The following CGNL1 variants were observed in gnomAD, a reference collection of about 807,000 sequenced individuals.
CGNL1 encodes cingulin like 1.
Under a neutral mutation model 141.2 loss-of-function variants are expected in CGNL1, and 132 were observed. The ratio of observed to expected loss-of-function variants is 0.93; its 90% CI spans 0.81 to 1.08. The LOEUF (loss-of-function observed/expected upper bound fraction) is 1.08. Ranked by LOEUF, CGNL1 falls within the 50% of genes least tolerant of loss-of-function variation. CGNL1 has a pLI of 0.00. For missense variants in CGNL1, 1,870 were observed against 1,588.6 expected, an observed-to-expected ratio of 1.18 and a Z score of -3.01; for synonymous variants, 690 against 622.1, an observed-to-expected ratio of 1.11 and a Z score of -1.63.
At chr15:57,478,895 T>C (rs187983987) in intron 8 of CGNL1, among the ~76,000 whole-genome samples, 73 of 152,310 alleles carry the variant, frequency 4.8e-4, no homozygotes, top group Admixed American at 3.9e-3. Context: ...CACCTCTGCC[T>C]CCCAAAGTGC....
At chr15:57,543,417 G>A (rs1404050071) in intron 14 of CGNL1, among the ~76,000 whole-genome samples, 3 of 152,164 alleles carry the variant, frequency 2.0e-5, no homozygotes, top group South Asian at 2.1e-4. Context: ...GGGGATTAGG[G>A]CGTCAACATA....
chr15:57,541,741 G>A (rs1022003692), intron 14 of CGNL1, among the ~76,000 whole-genome samples: 1 of 152,226 alleles, frequency 6.6e-6, no homozygotes, highest in Non-Finnish European at 1.5e-5. Flanking sequence ...AATGGGCAGT[G>A]CAGGGGCTCA....
At position 57,473,896 on chromosome 15, in the gene CGNL1, CTTCTTTTTTTTT is replaced by C. The variant is rs1440340679; in HGVS notation, c.2403+12007_2403+12018del. ...GTCACTTCTTCTTCTTCTTCTTCTT[CTTCTTTTTTTTT>C]TTTTTTTTTTTTTTTTTCTGAGACA... On this transcript the variant is annotated intron_variant, in intron 8 of 18. Transcript: ENST00000281282. Among the ~76,000 whole-genome samples, 550 of 110,008 alleles carry C rather than the reference CTTCTTTTTTTTT, an allele frequency of 5.0e-3. 1 individual carries two copies. Among genetic ancestry groups the C allele is most frequent in the Non-Finnish European group, 7.6e-3 (425 of 55,836 alleles). 72.2% of individuals were successfully genotyped at this position (110,008 alleles called of 152,430 possible). A position where few individuals can be genotyped will look rare whatever the true frequency, so the allele number is the denominator to read the frequency against.
intron 1 of CGNL1, among the ~76,000 whole-genome samples, chr15:57,419,899 A>G (rs2152281109): frequency 6.6e-6 from 1 of 152,260 alleles, no homozygotes; most frequent in Middle Eastern, 3.4e-3. Context: ...ATCTAAATAA[A>G]TTATTTGGAA....
chr15:57,545,776 C>T (rs1263131272), intron 17 of CGNL1, 76 bp downstream of exon 17: 3 of 1,251,100 alleles, frequency 2.4e-6, no homozygotes, highest in African/African-American at 1.5e-5. Flanking sequence ...GAGGCAAGGC[C>T]TCCCTGAGCA....
intron 14 of CGNL1, among the ~76,000 whole-genome samples, chr15:57,536,327 A>G (rs376872984): frequency 6.6e-6 from 1 of 152,214 alleles, no homozygotes; most frequent in Admixed American, 6.5e-5. Flanking sequence ...CAGCCAAACC[A>G]TATCACAGCC....
chr15:57,462,068 C>A (rs1184321799), intron 8 of CGNL1, among the ~76,000 whole-genome samples, 176 bp downstream of exon 8: 2 of 152,158 alleles, frequency 1.3e-5, no homozygotes, highest in Non-Finnish European at 2.9e-5. Flanking sequence ...TGCTATTGAC[C>A]TTTTAAAGTC....
At chr15:57,425,604 G>C (rs1306423972) in intron 1 of CGNL1, among the ~76,000 whole-genome samples, 1 of 152,096 alleles carries the variant, frequency 6.6e-6, no homozygotes, top group African/African-American at 2.4e-5. Context: ...AGCCAGGCAT[G>C]GTGGCATGTG....
intron 1 of CGNL1, among the ~76,000 whole-genome samples, chr15:57,411,440 T>C (rs1414757961): frequency 2.0e-5 from 3 of 150,880 alleles, no homozygotes; most frequent in Non-Finnish European, 2.9e-5. Flanking sequence ...TTTCTTTTTT[T>C]CTTTTTCTTT....
chr15:57,455,520 T>G (rs1475176675), intron 7 of CGNL1, among the ~76,000 whole-genome samples: 1 of 152,216 alleles, frequency 6.6e-6, no homozygotes, highest in Non-Finnish European at 1.5e-5. Context: ...CTATTTTAAC[T>G]CACTTGACGT....
Position 57,451,599 on chromosome 15 carries a change from A to C in CGNL1, c.1903A>C (p.Lys635Gln), listed in dbSNP as rs2063323023. The stretch of plus-strand genomic sequence containing the variant: ...TCAGAGACAGCTTCAACTGGAAGTC[A>C]AGGTATCTGGTTTTTCCTTTATGTT... ...ELQRQLQLEVKNQQNIKEERE... is the reference protein window; with the variant it reads ...ELQRQLQLEVQNQQNIKEERE... Residue 635 changes from lysine to glutamine, a missense_variant and splice_region_variant, in exon 5 of 19, where the codon AAG becomes CAG. Coordinates refer to ENST00000281282, the MANE Select transcript of CGNL1 (RefSeq NM_032866.5). 4 of 1,600,926 alleles carry C rather than the reference A, an allele frequency of 2.5e-6. No homozygotes were observed. Among genetic ancestry groups the C allele is most frequent in the African/African-American group, 1.3e-5 (1 of 74,686 alleles).
At chr15:57,487,366 C>CA (rs35929754) in intron 8 of CGNL1, among the ~76,000 whole-genome samples, 90,780 of 151,536 alleles carry the variant, frequency 0.6, 29,160 homozygotes, top group Non-Finnish European at 0.71. Flanking sequence ...TATACAGAGT[C>CA]AAAAAAAGGT....
intron 1 of CGNL1, among the ~76,000 whole-genome samples, chr15:57,413,790 T>C (rs563395765): frequency 6.6e-6 from 1 of 152,334 alleles, no homozygotes; most frequent in African/African-American, 2.4e-5. Flanking sequence ...GGTAGATTTT[T>C]GTGGGAGTTC....
intron 8 of CGNL1, among the ~76,000 whole-genome samples, chr15:57,515,759 C>G (rs1317815042): frequency 6.6e-6 from 1 of 152,178 alleles, no homozygotes; most frequent in African/African-American, 2.4e-5. Flanking sequence ...ATACCTAGAG[C>G]TTACACTGTG....
chr15:57,513,150 A>T (rs920525925), intron 8 of CGNL1, among the ~76,000 whole-genome samples: 1 of 151,808 alleles, frequency 6.6e-6, no homozygotes, highest in Non-Finnish European at 1.5e-5. Flanking sequence ...CCCCTTCCCC[A>T]TATCCCTCCC....
At position 57,497,308 on chromosome 15, in the gene CGNL1, GT is replaced by G. The variant is rs559552624; in HGVS notation, c.2404-19469del. The stretch of plus-strand genomic sequence containing the variant: ...TCTGCCCTGACAGGCGGAACTCACT[GT>G]TTGTTTTGTGGAACAAAGAACAGGC... On this transcript the variant is annotated intron_variant, in intron 8 of 18. Transcript: ENST00000281282. Among the ~76,000 whole-genome samples the G allele has an allele frequency of 4.6e-3, 622 of 136,104 alleles. 6 individuals carry two copies. Among genetic ancestry groups the G allele is most frequent in the Non-Finnish European group, 5.4e-3 (353 of 65,120 alleles). The allele number at this position is 136,104 out of a possible 152,430, so 89.3% of individuals were successfully genotyped here.
intron 8 of CGNL1, among the ~76,000 whole-genome samples, chr15:57,490,320 C>T (rs762826995): frequency 9.2e-5 from 14 of 151,992 alleles, no homozygotes; most frequent in Admixed American, 3.9e-4. Flanking sequence ...ATGATGTTAA[C>T]GTGGGCAGGC....
chr15:57,433,527 T>G (rs2152298978), intron 1 of CGNL1, among the ~76,000 whole-genome samples: 1 of 152,216 alleles, frequency 6.6e-6, no homozygotes. Context: ...ATTGCTGAAA[T>G]GAGGTGCTTT....
At chr15:57,442,290 G>GTT (rs2063199369) in intron 3 of CGNL1, 83 bp from the exon 4 acceptor site, 1 of 749,362 alleles carries the variant, frequency 1.3e-6, no homozygotes, top group Admixed American at 2.3e-5. Flanking sequence ...TAAAGGACCT[G>GTT]TTGGGTGTGT....
Sources: allele counts gnomAD v4.1 joint callset (sites outside exome capture counted in the v4.1 genomes callset), GRCh38; gene constraint gnomAD v4.1.1; transcripts MANE v1.5; gene names NCBI Gene and HGNC (gene_info 2026-07-23, HGNC 2026-07-21).